Variants in TENM2 observed in about 807,000 individuals in gnomAD.
The protein encoded by TENM2 is teneurin-2.
A neutral mutation model predicts 245.2 loss-of-function variants in TENM2; 52 were observed. The observed-to-expected ratio is 0.21, with a 90% CI of 0.17 to 0.27. The LOEUF (loss-of-function observed/expected upper bound fraction) is 0.27. Ranked by LOEUF, TENM2 falls within the 10% of genes least tolerant of loss-of-function variation. The pLI, the probability that TENM2 is intolerant of heterozygous loss-of-function variation, is 1.00. For synonymous variants in TENM2, 1,363 were observed against 1,438.9 expected (o/e 0.95, Z 1.19); for missense variants, 3,046 against 3,666.8 (o/e 0.83, Z 4.37).
At chr5:167,884,040 A>G (rs890112975) in intron 3 of TENM2, among the ~76,000 whole-genome samples, 1 of 152,224 alleles carries the variant, frequency 6.6e-6, no homozygotes, top group Non-Finnish European at 1.5e-5. Flanking sequence ...TTCTAACACT[A>G]TAATCTTGAG....
chr5:167,692,460 A>G (rs996478857), intron 2 of TENM2, among the ~76,000 whole-genome samples: 1 of 152,164 alleles, frequency 6.6e-6, no homozygotes, highest in Non-Finnish European at 1.5e-5. Context: ...CATCTCAGGC[A>G]TTTTGGACAC....
At chr5:167,559,991 C>T (rs747462878) in intron 2 of TENM2, among the ~76,000 whole-genome samples, 6 of 152,064 alleles carry the variant, frequency 3.9e-5, no homozygotes, top group Non-Finnish European at 7.4e-5. Context: ...CCTCCTCTCA[C>T]CCCTCCCACT....
intron 12 of TENM2, among the ~76,000 whole-genome samples, chr5:168,142,377 G>A (rs1467115738): frequency 6.6e-6 from 1 of 152,160 alleles, no homozygotes; most frequent in African/African-American, 2.4e-5. Flanking sequence ...TTAAATTTCG[G>A]CTTCCATCAC....
chr5:167,199,097 T>TAAAAA, the TENM2 span, among the ~76,000 whole-genome samples: 163 of 79,038 alleles, frequency 2.1e-3, no homozygotes, highest in Middle Eastern at 0.01. Flanking sequence ...TGATATGAAG[T>TAAAAA]AAAAAAAAAA....
At chr5:167,403,976 G>A (rs1208342333) in intron 2 of TENM2, among the ~76,000 whole-genome samples, 1 of 150,450 alleles carries the variant, frequency 6.6e-6, no homozygotes, top group Non-Finnish European at 1.5e-5. Context: ...ATATACACAA[G>A]AACGGCTGCA....
chr5:167,024,946 C>G, the TENM2 span, among the ~76,000 whole-genome samples: 1 of 152,162 alleles, frequency 6.6e-6, no homozygotes, highest in Non-Finnish European at 1.5e-5. Flanking sequence ...TCTCACTACA[C>G]ATTAGAGTCA....
chr5:168,060,651 C>T (rs529307294), intron 6 of TENM2, among the ~76,000 whole-genome samples: 1 of 152,082 alleles, frequency 6.6e-6, no homozygotes, highest in Non-Finnish European at 1.5e-5. Context: ...ATTTTAAGTC[C>T]CTGCTGGCTT....
chr5:167,523,280 C>T (rs1770885674), intron 2 of TENM2, among the ~76,000 whole-genome samples: 1 of 152,134 alleles, frequency 6.6e-6, no homozygotes. Context: ...CTGGAGGCCA[C>T]CCCAGTTAGC....
intron 3 of TENM2, among the ~76,000 whole-genome samples, chr5:167,907,232 C>CAAATAAATAAATAAATAAATAAAT (rs10650485): frequency 2.0e-5 from 3 of 148,036 alleles, no homozygotes; most frequent in African/African-American, 7.5e-5. Flanking sequence ...AACTCCGTCT[C>CAAATAAATAAATAAATAAATAAAT]AAATAAATAA....
At chr5:167,742,977 AAACAACAACAACAAC>A (rs139078440) in intron 2 of TENM2, among the ~76,000 whole-genome samples, 3,270 of 147,838 alleles carry the variant, frequency 0.022, 76 homozygotes, top group African/African-American at 0.061. Flanking sequence ...CTTGTCTTAA[AAACAACAACAACAAC>A]AACAACAACA....
the TENM2 span, among the ~76,000 whole-genome samples, chr5:167,210,272 C>G: frequency 2.0e-5 from 3 of 152,264 alleles, no homozygotes; most frequent in Admixed American, 6.5e-5. Flanking sequence ...TTCTTACCAC[C>G]TTACTGTGCT....
At chr5:167,052,408 T>C in the TENM2 span, among the ~76,000 whole-genome samples, 4 of 152,280 alleles carry the variant, frequency 2.6e-5, no homozygotes, top group South Asian at 8.3e-4. Flanking sequence ...AATTTTATGG[T>C]GTTATGGGTA....
At chr5:167,286,471 A>G (rs946279397) in intron 1 of TENM2, among the ~76,000 whole-genome samples, 22 of 152,304 alleles carry the variant, frequency 1.4e-4, no homozygotes, top group African/African-American at 4.3e-4. Context: ...TGGAAAAAAA[A>G]TATGAAGAAT....
At chr5:168,017,170 T>G (rs1369378201) in intron 5 of TENM2, among the ~76,000 whole-genome samples, 1 of 152,138 alleles carries the variant, frequency 6.6e-6, no homozygotes, top group Non-Finnish European at 1.5e-5. Context: ...TAGAGACAAT[T>G]GATGATTGAT....
intron 4 of TENM2, among the ~76,000 whole-genome samples, chr5:167,992,315 T>A (rs942815744): frequency 4.6e-5 from 7 of 152,102 alleles, no homozygotes; most frequent in African/African-American, 1.7e-4. Flanking sequence ...AAATTAAAAA[T>A]TTTAAAAAAT....
At chr5:167,113,138 G>A in the TENM2 span, among the ~76,000 whole-genome samples, 1 of 152,130 alleles carries the variant, frequency 6.6e-6, no homozygotes, top group Non-Finnish European at 1.5e-5. Flanking sequence ...TCACTGCCCG[G>A]GAGTTGTTAT....
At chr5:167,423,903 GCAACCTCCT>G (rs1304611655) in intron 2 of TENM2, among the ~76,000 whole-genome samples, 1 of 152,140 alleles carries the variant, frequency 6.6e-6, no homozygotes, top group Non-Finnish European at 1.5e-5. Context: ...CCATGGCGAA[GCAACCTCCT>G]CAACCCCTTA....
chr5:168,121,325 A>G (rs1795453316), intron 10 of TENM2, among the ~76,000 whole-genome samples: 1 of 152,234 alleles, frequency 6.6e-6, no homozygotes, highest in South Asian at 2.1e-4. Flanking sequence ...GTAAAATGCC[A>G]TAGTCCCTCC....
chr5:167,182,215 T>C, the TENM2 span, among the ~76,000 whole-genome samples: 1 of 152,162 alleles, frequency 6.6e-6, no homozygotes, highest in Non-Finnish European at 1.5e-5. Flanking sequence ...AAAAAATACT[T>C]GCAGGGGAAG....
Sources: allele counts gnomAD v4.1 joint callset (sites outside exome capture counted in the v4.1 genomes callset), GRCh38; gene constraint gnomAD v4.1.1; transcripts MANE v1.5; gene names NCBI Gene and HGNC (gene_info 2026-07-23, HGNC 2026-07-21).